Variants in OR7E24 observed in about 807,000 individuals in gnomAD.
The protein encoded by OR7E24 is olfactory receptor 7E24.
For synonymous variants in OR7E24, 130 were observed against 157.5 expected (o/e 0.83, Z 1.31); for missense variants, 385 against 410.3 (o/e 0.94, Z 0.53).
At chr19:9,236,597 G>A in the OR7E24 span, among the ~76,000 whole-genome samples, 2 of 149,206 alleles carry the variant, frequency 1.3e-5, no homozygotes, top group Admixed American at 6.7e-5. Flanking sequence ...AAACTGCAAT[G>A]ACTTTTGCAC....
the OR7E24 span, among the ~76,000 whole-genome samples, chr19:9,239,845 A>T: frequency 6.6e-6 from 1 of 150,874 alleles, no homozygotes; most frequent in African/African-American, 2.4e-5. Flanking sequence ...AGTAGCTGGG[A>T]TTACAGGCAC....
At chr19:9,223,731 CT>C in the OR7E24 span, among the ~76,000 whole-genome samples, 1 of 133,732 alleles carries the variant, frequency 7.5e-6, no homozygotes, top group African/African-American at 3.3e-5. Flanking sequence ...GCATTTTTCT[CT>C]TCTTTTTTTT....
At chr19:9,243,801 G>A (rs945013401), upstream of OR7E24, among the ~76,000 whole-genome samples, 2 of 152,214 alleles carry the variant, frequency 1.3e-5, no homozygotes, top group African/African-American at 4.8e-5. Flanking sequence ...CTGAGAAGTT[G>A]CCTCAAGCAG....
At chr19:9,239,222 T>G in the OR7E24 span, among the ~76,000 whole-genome samples, 1 of 151,790 alleles carries the variant, frequency 6.6e-6, no homozygotes, top group Non-Finnish European at 1.5e-5. Context: ...CAGGCTGGAG[T>G]GCAGTGATGC....
the OR7E24 span, chr19:9,236,173 T>C: frequency 4.3e-6 from 3 of 694,944 alleles, no homozygotes; most frequent in African/African-American, 1.8e-5. Flanking sequence ...CCCTAAAATA[T>C]ATGTTGCAGT....
the OR7E24 span, chr19:9,214,879 T>A: frequency 8.2e-7 from 1 of 1,222,132 alleles, no homozygotes; most frequent in Non-Finnish European, 1.2e-6. Flanking sequence ...AAAGCAACGT[T>A]TAATGAACAG....
the OR7E24 span, among the ~76,000 whole-genome samples, chr19:9,223,535 C>T: frequency 6.6e-6 from 1 of 152,182 alleles, no homozygotes; most frequent in Non-Finnish European, 1.5e-5. Context: ...GTCCCACCAC[C>T]TCAAATGACT....
chr19:9,237,311 A>G, the OR7E24 span, among the ~76,000 whole-genome samples: 1 of 147,236 alleles, frequency 6.8e-6, no homozygotes, highest in East Asian at 2.0e-4. Context: ...TTATTTATTT[A>G]TTTATTTATT....
At chr19:9,209,445 G>A in the OR7E24 span, 5 of 152,058 alleles carry the variant, frequency 3.3e-5, no homozygotes, top group Non-Finnish European at 5.9e-5. Flanking sequence ...CTGGCATGGT[G>A]GCTCATACCT....
Position 9,251,877 on chromosome 19 carries a change from C to T in OR7E24, c.834C>T (p.Leu278=), listed in dbSNP as rs1568336416. The change falls in exon 1 of 1, where the codon CTC becomes CTT. Residue 278 remains leucine (L), a synonymous_variant. Transcript: ENST00000456448. ...LFYGTGLVGY[L]SSAVLPSPRK... is the part of the protein sequence containing the mutation. ...ATGGAACAGGGCTTGTAGGGTACCT[C>T]AGTTCAGCTGTGTTACCATCCCCCA... 3 of 1,614,188 alleles carry T rather than the reference C, an allele frequency of 1.9e-6. No individual in the cohort carries two copies. The highest frequency in any genetic ancestry group is 2.5e-6 in the Non-Finnish European group (3 of 1,180,030).
the OR7E24 span, chr19:9,211,997 A>G: frequency 6.6e-6 from 1 of 152,118 alleles, no homozygotes; most frequent in Non-Finnish European, 1.5e-5. Context: ...CTGTTCCTTC[A>G]ATGGTCATTC....
At chr19:9,232,849 C>T in the OR7E24 span, among the ~76,000 whole-genome samples, 1,412 of 152,224 alleles carry the variant, frequency 9.3e-3, 31 homozygotes, top group African/African-American at 0.032. Flanking sequence ...CACTAAGTGA[C>T]GGGTACCATG....
the OR7E24 span, chr19:9,236,143 A>G: frequency 1.2e-6 from 1 of 832,234 alleles, no homozygotes; most frequent in Non-Finnish European, 1.9e-6. Flanking sequence ...GTGAATGCGC[A>G]TATCCTAGAT....
At chr19:9,209,247 C>T in the OR7E24 span, 3 of 152,080 alleles carry the variant, frequency 2.0e-5, no homozygotes, top group African/African-American at 4.8e-5. Context: ...GGCTCTTAAA[C>T]GTGGGACTTT....
At chr19:9,239,385 G>A in the OR7E24 span, among the ~76,000 whole-genome samples, 2 of 152,056 alleles carry the variant, frequency 1.3e-5, no homozygotes, top group African/African-American at 4.8e-5. Flanking sequence ...TGTTAGCCAG[G>A]ATGGTCTTGA....
At position 9,251,598 on chromosome 19, in the gene OR7E24, C is replaced by G. The variant is rs1214301749; in HGVS notation, c.555C>G (p.Thr185=). 2 of 1,613,572 alleles carry G rather than the reference C, an allele frequency of 1.2e-6. No homozygotes were observed. Among genetic ancestry groups the G allele is most frequent in the South Asian group, 2.2e-5 (2 of 91,012 alleles). ...QLHNLIMLQL[T]CFKDVDISNF... is the part of the protein sequence containing the mutation. ...ACAATTTGATTATGTTACAGCTCAC[C>G]TGCTTCAAGGATGTGGACATTTCTA... The change falls in exon 1 of 1, where the codon ACC becomes ACG. Residue 185 remains threonine (T), a synonymous_variant. Coordinates refer to ENST00000456448, the MANE Select transcript of OR7E24 (RefSeq NM_001079935.2).
At chr19:9,236,237 G>T in the OR7E24 span, 3 of 571,548 alleles carry the variant, frequency 5.2e-6, no homozygotes, top group Non-Finnish European at 9.3e-6. Flanking sequence ...GTATGGCCGG[G>T]CACGGTGGCT....
the OR7E24 span, among the ~76,000 whole-genome samples, chr19:9,241,188 A>G: frequency 6.6e-6 from 1 of 152,198 alleles, no homozygotes; most frequent in Admixed American, 6.6e-5. Flanking sequence ...TTTCCTTTGC[A>G]TCGAGTTTGT....
chr19:9,215,584 G>A, the OR7E24 span, among the ~76,000 whole-genome samples: 42 of 152,162 alleles, frequency 2.8e-4, no homozygotes, highest in Non-Finnish European at 2.2e-4. Flanking sequence ...CCAGTGCTTG[G>A]AAGTGATGTG....
Sources: gnomAD v4.1 joint callset for allele counts (sites outside exome capture counted in the v4.1 genomes callset) on GRCh38, gnomAD v4.1.1 for gene constraint, MANE v1.5 for transcripts, NCBI Gene and HGNC (gene_info 2026-07-23, HGNC 2026-07-21) for gene names.